KIF5C: variants seen among roughly 807,000 people sequenced by gnomAD.
The protein encoded by KIF5C is kinesin heavy chain isoform 5C.
In KIF5C, 18 loss-of-function variants were observed where a neutral mutation model predicts 125.2. The observed-to-expected ratio is 0.14, with a 90% CI of 0.10 to 0.21. KIF5C has a LOEUF of 0.21. Among genes scored for constraint, KIF5C ranks in the 10% least tolerant of loss-of-function variants. KIF5C has a pLI of 1.00. For missense variants in KIF5C, 780 were observed against 1,183.8 expected, an observed-to-expected ratio of 0.66 and a Z score of 5.01; for synonymous variants, 405 against 434.0, an observed-to-expected ratio of 0.93 and a Z score of 0.83.
At chr2:148,913,715 T>C (rs1178457166) in intron 1 of KIF5C, among the ~76,000 whole-genome samples, 1 of 152,192 alleles carries the variant, frequency 6.6e-6, no homozygotes, top group Non-Finnish European at 1.5e-5. Flanking sequence ...TTTGACCGGA[T>C]GGTACTGCAC....
In KIF5C at chr2:148,937,316, C is replaced by A. The variant is rs1682311690; in HGVS notation, c.324C>A (p.Ile108=). Residue 108 remains isoleucine, a synonymous_variant, in exon 4 of 26, where the codon ATC becomes ATA. Coordinates refer to ENST00000435030, the MANE Select transcript of KIF5C (RefSeq NM_004522.3). The stretch of plus-strand genomic sequence containing the variant: ...TGCATGACCCCCAGCTCATGGGGAT[C>A]ATCCCACGAATTGCCCATGATATCT... The part of the protein sequence containing the change: ...GKLHDPQLMG[I]IPRIAHDIFD... The A allele has an allele frequency of 4.4e-6, 7 of 1,601,958 alleles. No homozygotes were observed. Among genetic ancestry groups the A allele is most frequent in the Non-Finnish European group, 6.0e-6 (7 of 1,173,766 alleles).
At chr2:149,017,205 T>C (rs1030022038) in intron 25 of KIF5C, among the ~76,000 whole-genome samples, 12 of 152,072 alleles carry the variant, frequency 7.9e-5, no homozygotes, top group Admixed American at 5.9e-4. Context: ...ATGGGAGATA[T>C]TACAGCATAG....
At chr2:148,947,086 G>A in intron 8 of KIF5C, 63 bp downstream of exon 8, 1 of 1,521,202 alleles carries the variant, frequency 6.6e-7, no homozygotes. Context: ...ATTGTGCAAT[G>A]GTATAATTTT....
At chr2:148,945,496 A>G (rs1234280515) in intron 7 of KIF5C, among the ~76,000 whole-genome samples, 2 of 152,122 alleles carry the variant, frequency 1.3e-5, no homozygotes, top group Admixed American at 6.5e-5. Flanking sequence ...GTTGATTTAT[A>G]TGTCTGTCTT....
At chr2:148,976,388 G>T (rs1681072943) in intron 12 of KIF5C, among the ~76,000 whole-genome samples, 1 of 151,846 alleles carries the variant, frequency 6.6e-6, no homozygotes, top group Non-Finnish European at 1.5e-5. Context: ...TCCTGCCTCA[G>T]CCTCCTGAGT....
At chr2:148,917,473 C>T (rs556427740) in intron 1 of KIF5C, among the ~76,000 whole-genome samples, 1 of 152,234 alleles carries the variant, frequency 6.6e-6, no homozygotes, top group Admixed American at 6.5e-5. Context: ...CTTAGTTTTC[C>T]AGTTTGTAAA....
At chr2:148,893,114 G>A (rs1045994752) in intron 1 of KIF5C, among the ~76,000 whole-genome samples, 3 of 152,204 alleles carry the variant, frequency 2.0e-5, no homozygotes, top group Non-Finnish European at 2.9e-5. Flanking sequence ...AGATAAGAAA[G>A]TACAGTCTAT....
chr2:148,987,702 T>C (rs1681418804), intron 15 of KIF5C, among the ~76,000 whole-genome samples: 1 of 152,184 alleles, frequency 6.6e-6, no homozygotes, highest in Non-Finnish European at 1.5e-5. Context: ...ATTTTATTTG[T>C]ATTTCTTGGG....
chr2:148,969,426 T>TGA (rs1680838205), intron 11 of KIF5C, among the ~76,000 whole-genome samples: 2 of 142,178 alleles, frequency 1.4e-5, no homozygotes, highest in South Asian at 4.5e-4. Context: ...GTTTCCAGTG[T>TGA]GTGTGTGTGT....
At chr2:148,902,069 A>T (rs1378562057) in intron 1 of KIF5C, among the ~76,000 whole-genome samples, 1 of 152,156 alleles carries the variant, frequency 6.6e-6, no homozygotes, top group Non-Finnish European at 1.5e-5. Context: ...TCTTTTTCGC[A>T]CTGTGAGTTG....
intron 10 of KIF5C, among the ~76,000 whole-genome samples, chr2:148,957,592 T>TAAAAAA (rs201033625): frequency 7.0e-5 from 5 of 71,790 alleles, no homozygotes; most frequent in Non-Finnish European, 9.5e-5. Context: ...TTTGTTCTAG[T>TAAAAAA]AAAAAAAAAA....
chr2:149,022,655 G>A (rs1035005925), intron 25 of KIF5C, among the ~76,000 whole-genome samples: 6 of 152,010 alleles, frequency 3.9e-5, no homozygotes, highest in African/African-American at 1.5e-4. Context: ...CGGGCACGGT[G>A]GCTTATACCT....
intron 15 of KIF5C, among the ~76,000 whole-genome samples, chr2:148,985,075 A>G (rs1388147322): frequency 6.6e-6 from 1 of 152,080 alleles, no homozygotes; most frequent in East Asian, 1.9e-4. Context: ...AGTGCTGGGA[A>G]TACAGGCGTG....
intron 19 of KIF5C, chr2:148,999,792 T>C (rs1033969694): frequency 6.6e-6 from 1 of 152,336 alleles, no homozygotes; most frequent in African/African-American, 2.4e-5. Context: ...TGGTAGTGCA[T>C]AGCTGTTCCT....
At chr2:149,006,184 A>G (rs1682001538) in intron 22 of KIF5C, among the ~76,000 whole-genome samples, 1 of 152,034 alleles carries the variant, frequency 6.6e-6, no homozygotes, top group Non-Finnish European at 1.5e-5. Context: ...TATGTGTGTA[A>G]ATGTGTGTGC....
At chr2:148,885,891 A>T (rs950461054) in intron 1 of KIF5C, 1 of 151,892 alleles carries the variant, frequency 6.6e-6, no homozygotes, top group Non-Finnish European at 1.5e-5. Flanking sequence ...ACATGGTGGG[A>T]CTCTTCCTTT....
intron 25 of KIF5C, among the ~76,000 whole-genome samples, chr2:149,013,056 C>G (rs1682259192): frequency 6.6e-6 from 1 of 152,156 alleles, no homozygotes; most frequent in Non-Finnish European, 1.5e-5. Context: ...AGGGCCTGGG[C>G]TTTGTTTGTC....
intron 19 of KIF5C, 23 bp from the exon 20 acceptor site, chr2:149,000,400 T>C (rs1377396609): frequency 1.3e-6 from 2 of 1,558,490 alleles, no homozygotes; most frequent in African/African-American, 2.7e-5. Flanking sequence ...GTGGAATATA[T>C]TGCTTTTTCC....
intron 3 of KIF5C, among the ~76,000 whole-genome samples, chr2:148,930,439 T>C (rs1682151647): frequency 6.6e-6 from 1 of 152,090 alleles, no homozygotes; most frequent in African/African-American, 2.4e-5. Flanking sequence ...GCGTGGTTAT[T>C]ATAAGAAACT....
Sources: gnomAD v4.1 joint callset for allele counts (sites outside exome capture counted in the v4.1 genomes callset) on GRCh38, gnomAD v4.1.1 for gene constraint, MANE v1.5 for transcripts, NCBI Gene and HGNC (gene_info 2026-07-23, HGNC 2026-07-21) for gene names.